The following SLC5A1 variants were observed in gnomAD, a reference collection of about 807,000 sequenced individuals.
SLC5A1 encodes the protein solute carrier family 5 member 1, also known as sodium/glucose cotransporter 1.
Under a neutral mutation model 73.5 loss-of-function variants are expected in SLC5A1, and 42 were observed. The ratio of observed to expected loss-of-function variants is 0.57; its 90% CI spans 0.45 to 0.74. The LOEUF (loss-of-function observed/expected upper bound fraction) is 0.74, where lower values mean the gene tolerates loss of function less well. Ranked by LOEUF, SLC5A1 falls within the 30% of genes least tolerant of loss-of-function variation. The pLI is 0.00. For synonymous variants in SLC5A1, 300 were observed against 317.4 expected (o/e 0.95, Z 0.58); for missense variants, 634 against 855.4 (o/e 0.74, Z 3.23).
At chr22:32,072,736 A>G (rs150186328) in intron 5 of SLC5A1, among the ~76,000 whole-genome samples, 11 of 152,362 alleles carry the variant, frequency 7.2e-5, no homozygotes, top group Admixed American at 5.9e-4. Context: ...TCAGGATCTG[A>G]ACAAAGTCTA....
chr22:32,101,924 C>G, intron 12 of SLC5A1, 98 bp from the exon 13 acceptor site: 1 of 908,270 alleles, frequency 1.1e-6, no homozygotes, highest in Non-Finnish European at 1.8e-6. Flanking sequence ...TCTCCTACCT[C>G]TGTTCCTTTG....
In SLC5A1 at chr22:32,081,879, C is replaced by A; in HGVS notation, c.491C>A (p.Ser164Ter). Residue 164 changes from serine to a stop codon, truncating the protein, a stop_gained, in exon 6 of 15, where the codon TCG (serine) becomes TAG (stop). Coordinates refer to ENST00000266088, the MANE Select transcript of SLC5A1 (RefSeq NM_000343.4). LOFTEE classifies it high-confidence loss of function. ...IFTKISADIF[S>*]GAIFINLALG... ...CTCTCCTTCCAGGCAGACATCTTCT[C>A]GGGGGCCATATTCATCAATCTGGCC... 1 of 1,612,700 alleles carries A rather than the reference C, an allele frequency of 6.2e-7. No homozygotes were observed. The highest frequency in any genetic ancestry group is 8.5e-7 in the Non-Finnish European group (1 of 1,179,084).
chr22:32,099,103 AAAATATAT>A (rs1262886969), intron 11 of SLC5A1, 72 bp from the exon 12 acceptor site: 977 of 80,538 alleles, frequency 0.012, 1 homozygote, highest in African/African-American at 0.031. Context: ...AAAAAAAAAA[AAAATATAT>A]ATATATATAT....
intron 2 of SLC5A1, among the ~76,000 whole-genome samples, chr22:32,066,179 A>G (rs1350347140): frequency 1.3e-5 from 2 of 151,552 alleles, no homozygotes; most frequent in African/African-American, 4.9e-5. Context: ...CCAGTCTTCC[A>G]CTCTTGGGTA....
At chr22:32,093,485 AGT>A (rs1258562754) in intron 11 of SLC5A1, among the ~76,000 whole-genome samples, 2 of 151,994 alleles carry the variant, frequency 1.3e-5, no homozygotes, top group Non-Finnish European at 2.9e-5. Flanking sequence ...TTCTTTCAGC[AGT>A]GTTTTGTAGT....
chr22:32,060,182 CACACATAT>C lies in SLC5A1; in HGVS notation c.208-6751_208-6744del, dbSNP rs752565047. Among the ~76,000 whole-genome samples, 594 of 111,690 alleles carry C rather than the reference CACACATAT, an allele frequency of 5.3e-3. 6 individuals are homozygous for C. The highest frequency in any genetic ancestry group is 0.011 in the African/African-American group (356 of 31,922). 73.3% of individuals were successfully genotyped at this position (111,690 alleles called of 152,430 possible). A position where few individuals can be genotyped will look rare whatever the true frequency, so the allele number is the denominator to read the frequency against. ...ACACACACACACACACACACACACA[CACACATAT>C]ATATATATATTTTTTTAAGAGATGG... On this transcript the variant is annotated intron_variant, in intron 2 of 14. Transcript: ENST00000266088.
chr22:32,091,810 G>T, intron 11 of SLC5A1, 48 bp downstream of exon 11: 1 of 1,603,138 alleles, frequency 6.2e-7, no homozygotes, highest in Non-Finnish European at 8.5e-7. Context: ...GATCAGAGAG[G>T]TTCCATCTGT....
rs939942568 is a variant in SLC5A1 at position 32,081,684 on chromosome 22, G to T, written c.478-182G>T. On this transcript the variant is annotated intron_variant, in intron 5 of 14. Coordinates refer to ENST00000266088, the MANE Select transcript of SLC5A1 (RefSeq NM_000343.4). The stretch of plus-strand genomic sequence containing the variant: ...AGGCTCAGAAAAGTTGTGTGGCAAA[G>T]AAACTGCCTTAATTCTGTTTAGCAT... Among the ~76,000 whole-genome samples the T allele has an allele frequency of 7.9e-5, 12 of 152,362 alleles. No homozygotes were observed. The East Asian group carries it at 1.5e-3, about 20-fold the overall frequency.
Position 32,111,894 on chromosome 22 carries a change from A to G in SLC5A1, c.*1681A>G, listed in dbSNP as rs1433547379. 1 of 152,210 alleles carries G rather than the reference A, an allele frequency of 6.6e-6. No homozygotes were observed. The highest frequency in any genetic ancestry group is 1.5e-5 in the Non-Finnish European group (1 of 68,044). 9.4% of individuals were successfully genotyped at this position (152,210 alleles called of 1,614,324 possible). On this transcript the variant is annotated 3_prime_UTR_variant, in exon 15 of 15. Transcript: ENST00000266088. ...TCAGGGTGAAGTAGAACCAGAAAAC[A>G]TCGTTATCCATTCCCAGAAGTTTTG...
At chr22:32,106,769 A>T (rs966239735) in intron 14 of SLC5A1, among the ~76,000 whole-genome samples, 1 of 152,184 alleles carries the variant, frequency 6.6e-6, no homozygotes, top group African/African-American at 2.4e-5. Flanking sequence ...AAACGTGCAC[A>T]CGTGGAGGAT....
At chr22:32,073,856 G>A (rs2093986662) in intron 5 of SLC5A1, among the ~76,000 whole-genome samples, 1 of 152,144 alleles carries the variant, frequency 6.6e-6, no homozygotes, top group African/African-American at 2.4e-5. Context: ...ACTGCGCCCG[G>A]CCCCCGGGTT....
In SLC5A1 at chr22:32,111,573, A is replaced by C. The variant is rs2094057148; in HGVS notation, c.*1360A>C. 6.6e-6 allele frequency: 1 copy of C among 152,240 alleles called. No individual in the cohort carries two copies. Among genetic ancestry groups the C allele is most frequent in the Non-Finnish European group, 1.5e-5 (1 of 68,084 alleles). 9.4% of individuals were successfully genotyped at this position (152,240 alleles called of 1,614,324 possible). A position where few individuals can be genotyped will look rare whatever the true frequency, so the allele number is the denominator to read the frequency against. The stretch of plus-strand genomic sequence containing the variant: ...GTCTCCCGTGAAAAAGGTAAACGGA[A>C]GCAGTTATTGTGCAGCAAAAGGAAA... On this transcript the variant is annotated 3_prime_UTR_variant, in exon 15 of 15. Coordinates refer to ENST00000266088, the MANE Select transcript of SLC5A1 (RefSeq NM_000343.4).
intron 5 of SLC5A1, among the ~76,000 whole-genome samples, chr22:32,079,608 A>G (rs546107020): frequency 3.3e-5 from 5 of 152,272 alleles, no homozygotes; most frequent in South Asian, 2.1e-4. Context: ...TGGAAAATCA[A>G]CCAAGGGCAG....
intron 13 of SLC5A1, among the ~76,000 whole-genome samples, chr22:32,104,091 C>T (rs1413526852): frequency 6.6e-6 from 1 of 152,172 alleles, no homozygotes; most frequent in Non-Finnish European, 1.5e-5. Context: ...ACTTCATTGC[C>T]AAATTTTTAA....
intron 5 of SLC5A1, among the ~76,000 whole-genome samples, chr22:32,079,887 AGGCGC>A (rs2093996836): frequency 6.6e-6 from 1 of 152,198 alleles, no homozygotes; most frequent in Non-Finnish European, 1.5e-5. Flanking sequence ...TGCACAGCAG[AGGCGC>A]CTTCCTCCTC....
intron 5 of SLC5A1, among the ~76,000 whole-genome samples, chr22:32,080,766 C>T (rs1465265193): frequency 2.6e-5 from 4 of 152,150 alleles, no homozygotes; most frequent in African/African-American, 9.7e-5. Context: ...GAGTCCAAGG[C>T]AGGCAGATCA....
At chr22:32,091,910 T>C in intron 11 of SLC5A1, 148 bp downstream of exon 11, 2 of 620,214 alleles carry the variant, frequency 3.2e-6, no homozygotes, top group Non-Finnish European at 5.6e-6. Flanking sequence ...TTGGTGGCAT[T>C]TAACTTTATT....
chr22:32,078,954 CAAAAAAAAAAAAAAA>C (rs6147589), intron 5 of SLC5A1, among the ~76,000 whole-genome samples: 9,260 of 109,258 alleles, frequency 0.085, 687 homozygotes, highest in African/African-American at 0.27. Context: ...ACTCTGTCTC[CAAAAAAAAAAAAAAA>C]AAAAAAAAAA....
chr22:32,082,914 T>G (rs972569119), intron 6 of SLC5A1, 160 bp from the exon 7 acceptor site: 3 of 693,044 alleles, frequency 4.3e-6, no homozygotes, highest in Non-Finnish European at 7.9e-6. Flanking sequence ...AGCAAAATAC[T>G]GTAACAGGAC....
Sources: gnomAD v4.1 joint callset for allele counts (sites outside exome capture counted in the v4.1 genomes callset) on GRCh38, gnomAD v4.1.1 for gene constraint, MANE v1.5 for transcripts, NCBI Gene and HGNC (gene_info 2026-07-23, HGNC 2026-07-21) for gene names.